UNC5C: variants seen among roughly 807,000 people sequenced by gnomAD.
UNC5C encodes netrin receptor UNC5C.
A neutral mutation model predicts 99.8 loss-of-function variants in UNC5C; 47 were observed. That is an observed-to-expected ratio of 0.47 (90% CI 0.37 to 0.60). The LOEUF (loss-of-function observed/expected upper bound fraction) is 0.60. Among genes scored for constraint, UNC5C ranks in the 20% least tolerant of loss-of-function variants. UNC5C has a pLI of 0.00. For missense variants in UNC5C, 1,062 were observed against 1,165.9 expected (o/e 0.91, Z 1.30); for synonymous variants, 487 against 452.2 (o/e 1.08, Z -0.98).
chr4:95,362,118 G>A (rs1744413262), intron 1 of UNC5C, among the ~76,000 whole-genome samples: 1 of 152,072 alleles, frequency 6.6e-6, no homozygotes, highest in Admixed American at 6.6e-5. Flanking sequence ...TTCAACACCT[G>A]TTAAATGAGG....
intron 1 of UNC5C, among the ~76,000 whole-genome samples, chr4:95,457,868 A>C (rs1033531191): frequency 2.0e-5 from 3 of 152,138 alleles, no homozygotes; most frequent in African/African-American, 7.2e-5. Flanking sequence ...AAGGATCTGA[A>C]CGTCGGATGA....
At chr4:95,543,968 G>A (rs1223530709) in intron 1 of UNC5C, among the ~76,000 whole-genome samples, 1 of 152,128 alleles carries the variant, frequency 6.6e-6, no homozygotes, top group African/African-American at 2.4e-5. Context: ...TCTTGCTTTT[G>A]GGGAAGCAGT....
intron 14 of UNC5C, among the ~76,000 whole-genome samples, chr4:95,172,207 G>A (rs921892165): frequency 6.6e-6 from 1 of 151,424 alleles, no homozygotes; most frequent in African/African-American, 2.4e-5. Flanking sequence ...GACTCTGATG[G>A]TAGTTTCTTT....
chr4:95,166,788 C>T lies in UNC5C; in HGVS notation c.*2446G>A, dbSNP rs912703247. ...GAATGGACAATAGCTCTCTTTCCTC[C>T]TCCTCCTTTTAAAAAATGTGTGTGT... On this transcript the variant is annotated 3_prime_UTR_variant, in exon 16 of 16. Coordinates refer to ENST00000453304, the MANE Select transcript of UNC5C (RefSeq NM_003728.4). 3 of 152,102 alleles carry T rather than the reference C, an allele frequency of 2.0e-5. No homozygotes were observed. The highest frequency in any genetic ancestry group is 7.2e-5 in the African/African-American group (3 of 41,408). The allele number at this position is 152,102 out of a possible 1,614,324, so 9.4% of individuals were successfully genotyped here.
At chr4:95,534,008 T>C (rs1722714691) in intron 1 of UNC5C, among the ~76,000 whole-genome samples, 1 of 152,148 alleles carries the variant, frequency 6.6e-6, no homozygotes, top group Non-Finnish European at 1.5e-5. Flanking sequence ...TGGAATAATA[T>C]CCTATAAAGA....
intron 12 of UNC5C, among the ~76,000 whole-genome samples, chr4:95,189,309 T>C (rs1460706467): frequency 6.6e-6 from 1 of 152,190 alleles, no homozygotes; most frequent in Admixed American, 6.5e-5. Flanking sequence ...TTTAGACACC[T>C]TCTTTCTTGC....
intron 11 of UNC5C, among the ~76,000 whole-genome samples, chr4:95,203,222 G>A (rs1380508537): frequency 6.6e-6 from 1 of 152,106 alleles, no homozygotes; most frequent in Non-Finnish European, 1.5e-5. Context: ...CTAAAAATCT[G>A]TACGTGTGAA....
At chr4:95,228,842 G>A (rs1166104798) in intron 7 of UNC5C, among the ~76,000 whole-genome samples, 3 of 152,108 alleles carry the variant, frequency 2.0e-5, no homozygotes, top group Admixed American at 1.3e-4. Flanking sequence ...AAATAGCATA[G>A]AGAGGTTGTC....
intron 1 of UNC5C, among the ~76,000 whole-genome samples, chr4:95,454,015 G>A (rs265043): frequency 0.12 from 18,101 of 152,106 alleles, 1,421 homozygotes; most frequent in African/African-American, 0.22. Context: ...AGAGGGAGAA[G>A]TATGGAGTTA....
At chr4:95,499,193 A>G (rs1277869400) in intron 1 of UNC5C, among the ~76,000 whole-genome samples, 1 of 152,112 alleles carries the variant, frequency 6.6e-6, no homozygotes, top group African/African-American at 2.4e-5. Context: ...TTCAAGTCCA[A>G]GTTAGAAGGA....
intron 13 of UNC5C, among the ~76,000 whole-genome samples, chr4:95,183,650 TA>T: frequency 6.6e-6 from 1 of 152,252 alleles, no homozygotes; most frequent in Middle Eastern, 3.4e-3. Context: ...TTTAATTTTC[TA>T]AAAGTCTAGA....
At chr4:95,182,818 G>GAA (rs2149350467) in intron 14 of UNC5C, 79 bp downstream of exon 14, 1 of 1,478,090 alleles carries the variant, frequency 6.8e-7, no homozygotes, top group Admixed American at 1.9e-5. Flanking sequence ...ACTATGTTGA[G>GAA]ATACCCTTTT....
intron 1 of UNC5C, among the ~76,000 whole-genome samples, chr4:95,440,113 C>T (rs1393106507): frequency 6.6e-6 from 1 of 152,168 alleles, no homozygotes; most frequent in African/African-American, 2.4e-5. Flanking sequence ...TGCAGCGACC[C>T]TCAGATACCT....
At position 95,167,638 on chromosome 4, in the gene UNC5C, G is replaced by A. The variant is rs1735909586; in HGVS notation, c.*1596C>T. ...GGCTGGGGGCAGGGGCATCCCAAGA[G>A]AGGCTAAGAAAATGATAATAAAGGG... On this transcript the variant is annotated 3_prime_UTR_variant, in exon 16 of 16. Transcript: ENST00000453304. 1 of 152,188 alleles carries A rather than the reference G, an allele frequency of 6.6e-6. No homozygotes were observed. The highest frequency in any genetic ancestry group is 2.4e-5 in the African/African-American group (1 of 41,436). The allele number at this position is 152,188 out of a possible 1,614,324, so 9.4% of individuals were successfully genotyped here.
intron 2 of UNC5C, among the ~76,000 whole-genome samples, chr4:95,334,848 A>T (rs1743270456): frequency 6.6e-6 from 1 of 151,940 alleles, no homozygotes; most frequent in Non-Finnish European, 1.5e-5. Context: ...TGAATCCTAC[A>T]CTATCACTGT....
chr4:95,507,491 C>T (rs1041490160), intron 1 of UNC5C, among the ~76,000 whole-genome samples: 1 of 152,032 alleles, frequency 6.6e-6, no homozygotes, highest in African/African-American at 2.4e-5. Context: ...GGCTCTGCAA[C>T]ATTACAATTT....
intron 4 of UNC5C, among the ~76,000 whole-genome samples, chr4:95,270,963 A>G (rs751350381): frequency 3.9e-5 from 6 of 152,220 alleles, no homozygotes; most frequent in Non-Finnish European, 7.3e-5. Flanking sequence ...AAGTCTGACC[A>G]TCTGTAGAAA....
chr4:95,501,496 C>T (rs1004844074), intron 1 of UNC5C, among the ~76,000 whole-genome samples: 14 of 152,028 alleles, frequency 9.2e-5, no homozygotes, highest in Non-Finnish European at 1.2e-4. Flanking sequence ...TTTCATAGGG[C>T]AAAGGTCATT....
intron 4 of UNC5C, among the ~76,000 whole-genome samples, chr4:95,264,420 G>T (rs1175444307): frequency 1.3e-5 from 2 of 152,030 alleles, no homozygotes; most frequent in Non-Finnish European, 2.9e-5. Context: ...CAATATTTTT[G>T]TAATTTTCCT....
Sources: gnomAD v4.1 joint callset for allele counts (sites outside exome capture counted in the v4.1 genomes callset) on GRCh38, gnomAD v4.1.1 for gene constraint, MANE v1.5 for transcripts, NCBI Gene and HGNC (gene_info 2026-07-23, HGNC 2026-07-21) for gene names.